HS3ST2: variants seen among roughly 807,000 people sequenced by gnomAD.
HS3ST2 encodes the protein heparan sulfate-glucosamine 3-sulfotransferase 2.
In HS3ST2, 17 loss-of-function variants were observed where a neutral mutation model predicts 26.3. The observed-to-expected ratio is 0.65, with a 90% CI of 0.44 to 0.97. The LOEUF is 0.97. Among genes scored for constraint, HS3ST2 ranks in the 50% least tolerant of loss-of-function variants. HS3ST2 has a pLI of 0.00. For synonymous variants in HS3ST2, 237 were observed against 219.2 expected (o/e 1.08, Z -0.72); for missense variants, 402 against 501.2 (o/e 0.80, Z 1.89).
chr16:22,873,739 C>T (rs971904505), intron 1 of HS3ST2, among the ~76,000 whole-genome samples: 4 of 152,218 alleles, frequency 2.6e-5, no homozygotes, highest in African/African-American at 9.6e-5. Context: ...AGTCCAGCAA[C>T]TCTACCGACT....
intron 1 of HS3ST2, among the ~76,000 whole-genome samples, chr16:22,896,523 T>C (rs1902213068): frequency 6.6e-6 from 1 of 152,252 alleles, no homozygotes. Context: ...AAGTTGCCTA[T>C]AACCACTCTG....
At chr16:22,890,101 G>A (rs962717733) in intron 1 of HS3ST2, among the ~76,000 whole-genome samples, 3 of 152,112 alleles carry the variant, frequency 2.0e-5, no homozygotes, top group Middle Eastern at 3.4e-3. Context: ...AAAAAGCTTC[G>A]GATATCTCTC....
rs199625227 is a variant in HS3ST2, at chr16:22,868,765, TTAAC to T, written c.486-46176_486-46173del. Among the ~76,000 whole-genome samples the T allele has an allele frequency of 5.9e-5, 9 of 152,302 alleles. No individual in the cohort carries two copies. The East Asian group carries it at 7.7e-4, about 13-fold the overall frequency. On this transcript the variant is annotated intron_variant, in intron 1 of 1. Coordinates refer to ENST00000261374, the MANE Select transcript of HS3ST2 (RefSeq NM_006043.2). Reference sequence around the variant, plus strand: ...AGGTCCCTGAGCTGGGGGCGCCTGTTTAACTACTAGTCCTTTGTGTCTCTTGCCA... The same window carrying T: ...AGGTCCCTGAGCTGGGGGCGCCTGTTTACTAGTCCTTTGTGTCTCTTGCCA...
chr16:22,844,354 C>T (rs1901401288), intron 1 of HS3ST2, among the ~76,000 whole-genome samples: 1 of 152,160 alleles, frequency 6.6e-6, no homozygotes, highest in Admixed American at 6.5e-5. Flanking sequence ...AGAGACAAAG[C>T]TCCTTACAGT....
Position 22,814,432 on chromosome 16 carries a change from A to T in HS3ST2, c.-179A>T. ...TCCCCGAGGAGCCGCTGCCCCCGGG[A>T]CCCCCTGGCACTGTGCGCACCCTGG... On this transcript the variant is annotated 5_prime_UTR_variant, in exon 1 of 2. Transcript: ENST00000261374. The T allele has an allele frequency of 2.0e-6, 1 of 505,834 alleles. No individual in the cohort carries two copies. The highest frequency in any genetic ancestry group is 3.3e-6 in the Non-Finnish European group (1 of 302,560). 31.3% of individuals were successfully genotyped at this position (505,834 alleles called of 1,614,324 possible).
chr16:22,894,732 T>C (rs1420170280), intron 1 of HS3ST2, among the ~76,000 whole-genome samples: 4 of 147,612 alleles, frequency 2.7e-5, no homozygotes, highest in African/African-American at 1.0e-4. Flanking sequence ...AGACTCCGTC[T>C]CTTAAAAAAA....
At chr16:22,889,284 T>C (rs1384122809) in intron 1 of HS3ST2, among the ~76,000 whole-genome samples, 2 of 152,176 alleles carry the variant, frequency 1.3e-5, no homozygotes, top group African/African-American at 4.8e-5. Flanking sequence ...ATCGAACTTA[T>C]TTGAGATGAT....
At chr16:22,888,194 GTC>G (rs1344424243) in intron 1 of HS3ST2, among the ~76,000 whole-genome samples, 1 of 151,932 alleles carries the variant, frequency 6.6e-6, no homozygotes, top group Non-Finnish European at 1.5e-5. Flanking sequence ...TTAAATCCTT[GTC>G]TCTGTGTCTG....
chr16:22,850,550 G>A (rs1901503251), intron 1 of HS3ST2, among the ~76,000 whole-genome samples: 1 of 152,098 alleles, frequency 6.6e-6, no homozygotes, highest in Admixed American at 6.5e-5. Context: ...ACTTTGGGAG[G>A]CCAAGGCAGG....
Position 22,909,768 on chromosome 16 carries a change from C to T in HS3ST2, c.486-5176C>T, listed in dbSNP as rs1315321941. On this transcript the variant is annotated intron_variant, in intron 1 of 1. Coordinates refer to ENST00000261374, the MANE Select transcript of HS3ST2 (RefSeq NM_006043.2). Reference sequence around the variant, plus strand: ...AGAAATTAGAAGGGTGGGCCGAGTGCGGAGGCTCATGCCTGTAATCCTAGC... The same window carrying T: ...AGAAATTAGAAGGGTGGGCCGAGTGTGGAGGCTCATGCCTGTAATCCTAGC... 7.2e-5 allele frequency among the ~76,000 whole-genome samples: 11 copies of T among 152,064 alleles called. No homozygotes were observed. In the South Asian group the frequency reaches 1.2e-3, roughly 17 times the overall value.
chr16:22,906,188 T>G (rs1375623492), intron 1 of HS3ST2, among the ~76,000 whole-genome samples: 1 of 151,924 alleles, frequency 6.6e-6, no homozygotes, highest in Non-Finnish European at 1.5e-5. Context: ...CTGGCCAACA[T>G]GGTGAAACCC....
intron 1 of HS3ST2, among the ~76,000 whole-genome samples, chr16:22,829,586 A>G (rs1034445086): frequency 1.3e-5 from 2 of 152,150 alleles, no homozygotes; most frequent in Non-Finnish European, 2.9e-5. Context: ...CTTGTGGGTC[A>G]AACAGGACAT....
Position 22,844,231 on chromosome 16 carries a change from A to G in HS3ST2, c.485+29136A>G, listed in dbSNP as rs552835587. Among the ~76,000 whole-genome samples, 6 of 152,190 alleles carry G rather than the reference A, an allele frequency of 3.9e-5. No individual in the cohort carries two copies. In the South Asian group the frequency reaches 6.2e-4, roughly 16 times the overall value. On this transcript the variant is annotated intron_variant, in intron 1 of 1. Transcript: ENST00000261374. The stretch of plus-strand genomic sequence containing the variant: ...TGGCTTTACATTTTGCTTCTGCTGC[A>G]CTGTAACAAACTTTTTGTTTTATTT...
At chr16:22,895,803 T>C (rs1902202387) in intron 1 of HS3ST2, among the ~76,000 whole-genome samples, 1 of 152,158 alleles carries the variant, frequency 6.6e-6, no homozygotes, top group South Asian at 2.1e-4. Flanking sequence ...GGAAGGTATG[T>C]ATCCTGTTTA....
intron 1 of HS3ST2, among the ~76,000 whole-genome samples, chr16:22,823,482 G>A (rs913134260): frequency 6.6e-6 from 1 of 152,120 alleles, no homozygotes; most frequent in African/African-American, 2.4e-5. Flanking sequence ...GGAGTTTGCC[G>A]AAAACTCAGT....
intron 1 of HS3ST2, among the ~76,000 whole-genome samples, chr16:22,821,356 G>C (rs1445151381): frequency 1.3e-5 from 2 of 151,076 alleles, no homozygotes; most frequent in Admixed American, 1.3e-4. Flanking sequence ...GTAATATTCT[G>C]TGTATCTGGT....
Position 22,814,643 on chromosome 16 carries a change from A to T in HS3ST2, c.33A>T (p.Pro11=), listed in dbSNP as rs1345190438. MAYRVLGRAG[P]PQPRRARRLL... is the part of the protein sequence containing the mutation. ...ATAGGGTCCTGGGCCGCGCGGGGCC[A>T]CCTCAGCCGCGGAGGGCGCGCAGGC... Residue 11 remains proline (P), a synonymous_variant, in exon 1 of 2, where the codon CCA becomes CCT. Coordinates refer to ENST00000261374, the MANE Select transcript of HS3ST2 (RefSeq NM_006043.2). 29 of 1,556,330 alleles carry T rather than the reference A, an allele frequency of 1.9e-5. No homozygotes were observed. The highest frequency in any genetic ancestry group is 2.5e-5 in the Non-Finnish European group (29 of 1,151,816).
At chr16:22,908,476 G>T (rs1281384284) in intron 1 of HS3ST2, among the ~76,000 whole-genome samples, 1 of 152,092 alleles carries the variant, frequency 6.6e-6, no homozygotes, top group African/African-American at 2.4e-5. Flanking sequence ...AATTTATAAA[G>T]AAAATGAATT....
At chr16:22,873,230 C>G (rs1901862490) in intron 1 of HS3ST2, among the ~76,000 whole-genome samples, 1 of 152,142 alleles carries the variant, frequency 6.6e-6, no homozygotes, top group Non-Finnish European at 1.5e-5. Context: ...TCCATCACTC[C>G]AAGGGAAAAC....
Sources: allele counts gnomAD v4.1 joint callset (sites outside exome capture counted in the v4.1 genomes callset), GRCh38; gene constraint gnomAD v4.1.1; transcripts MANE v1.5; gene names NCBI Gene and HGNC (gene_info 2026-07-23, HGNC 2026-07-21).